Variants in MAGED1 observed in about 807,000 individuals in gnomAD.
The protein encoded by MAGED1 is MAGE family member D1, also known as melanoma-associated antigen D1.
In MAGED1, 3 loss-of-function variants were observed where a neutral mutation model predicts 54.1. The observed-to-expected ratio is 0.06, with a 90% CI of 0.03 to 0.14. The LOEUF (loss-of-function observed/expected upper bound fraction) is 0.14, where lower values mean the gene tolerates loss of function less well. Ranked by LOEUF, MAGED1 falls within the 10% of genes least tolerant of loss-of-function variation. The pLI, the probability that MAGED1 is intolerant of heterozygous loss-of-function variation, is 1.00. For synonymous variants in MAGED1, 217 were observed against 227.3 expected (o/e 0.95, Z 0.41); for missense variants, 485 against 623.4 (o/e 0.78, Z 2.36).
At chrX:51,871,430 A>T (rs1239335828) in intron 1 of MAGED1, among the ~76,000 whole-genome samples, 1 of 96,100 alleles carries the variant, frequency 1.0e-5, no homozygotes, top group Admixed American at 1.2e-4. Context: ...CCCTTCCCCC[A>T]CCCCACAACA....
intron 1 of MAGED1, among the ~76,000 whole-genome samples, chrX:51,814,279 C>A (rs1001752942): frequency 9.0e-6 from 1 of 111,599 alleles, no homozygotes; most frequent in Non-Finnish European, 1.9e-5. Context: ...CTGCCGCTGC[C>A]GCTGCTGCTA....
intron 1 of MAGED1, among the ~76,000 whole-genome samples, chrX:51,853,430 G>T (rs913994929): frequency 1.6e-4 from 18 of 112,318 alleles, no homozygotes; most frequent in African/African-American, 5.5e-4. Context: ...TGCAAAACTG[G>T]CCTGCTTCCA....
At chrX:51,893,219 CCAAA>C (rs782768931), upstream of MAGED1, among the ~76,000 whole-genome samples, 3 of 110,523 alleles carry the variant, frequency 2.7e-5, no homozygotes, top group South Asian at 4.0e-4. Flanking sequence ...ATTAGAGACC[CCAAA>C]CAGAGACCTA....
chrX:51,845,509 T>C lies in MAGED1; in HGVS notation c.-37+42392T>C, dbSNP rs782702338. 2.4e-4 allele frequency among the ~76,000 whole-genome samples: 27 copies of C among 111,617 alleles called. 1 individual carries two copies. The South Asian group carries it at 9.8e-3, about 41-fold the overall frequency. The stretch of plus-strand genomic sequence containing the variant: ...ATGGGAATGCCTGTAACTATCAAAC[T>C]ATGCCTGTTTCACCTTTGTATTTTG... On this transcript the variant is annotated intron_variant, in intron 1 of 12. Coordinates refer to the MAGED1 transcript ENST00000375772.
chrX:51,881,076 A>T (rs1396017081), intron 1 of MAGED1, among the ~76,000 whole-genome samples: 1 of 111,348 alleles, frequency 9.0e-6, no homozygotes, highest in Admixed American at 9.5e-5. Flanking sequence ...GCACTGGCAG[A>T]TCTGCTGTCT....
upstream of MAGED1, among the ~76,000 whole-genome samples, chrX:51,892,853 A>G (rs1437764735): frequency 7.2e-5 from 8 of 111,124 alleles, no homozygotes; most frequent in Admixed American, 7.6e-4. Context: ...CATGCAATGT[A>G]TCTGTGCCTC....
chrX:51,825,415 A>G (rs782630619), intron 1 of MAGED1, among the ~76,000 whole-genome samples: 115 of 112,343 alleles, frequency 1.0e-3, no homozygotes, highest in Middle Eastern at 9.3e-3. Flanking sequence ...CTATTCCACA[A>G]AATAGAATAC....
At chrX:51,898,490 T>A in intron 9 of MAGED1, 91 bp from the exon 10 acceptor site, 8 of 987,056 alleles carry the variant, frequency 8.1e-6, no homozygotes, top group Non-Finnish European at 1.1e-5. Flanking sequence ...CTGAACTCTC[T>A]GCCTCTTTTC....
At chrX:51,814,147 AAAG>A (rs1925320775) in intron 1 of MAGED1, among the ~76,000 whole-genome samples, 2 of 111,340 alleles carry the variant, frequency 1.8e-5, no homozygotes, top group Non-Finnish European at 3.8e-5. Context: ...GGAGTGAAAA[AAAG>A]AGAGAGAAAA....
At chrX:51,815,755 A>C (rs1265452600) in intron 1 of MAGED1, among the ~76,000 whole-genome samples, 2 of 110,757 alleles carry the variant, frequency 1.8e-5, no homozygotes, top group Non-Finnish European at 3.8e-5. Flanking sequence ...TCCTGACCTC[A>C]GGTGATCCGC....
rs781980650 is a variant in MAGED1, at chrX:51,885,852, A to T, written c.-36-8417A>T. ...TGTGTTTATTGTAGCACTATTCACAATGCCGAGATAGGGAATCAACCTAAG... is the reference window on the plus strand; with the variant it reads ...TGTGTTTATTGTAGCACTATTCACATTGCCGAGATAGGGAATCAACCTAAG... On this transcript the variant is annotated intron_variant, in intron 1 of 12. Transcript: ENST00000375772. Among the ~76,000 whole-genome samples, 6 of 110,927 alleles carry T rather than the reference A, an allele frequency of 5.4e-5. No homozygotes were observed. The East Asian group carries it at 1.7e-3, about 31-fold the overall frequency.
chrX:51,872,878 C>T (rs1927732103), intron 1 of MAGED1, among the ~76,000 whole-genome samples: 1 of 111,210 alleles, frequency 9.0e-6, no homozygotes, highest in Admixed American at 9.6e-5. Context: ...TTGTGAATAA[C>T]CCATCCCTTA....
At position 51,893,677 on chromosome X, in the gene MAGED1, G is replaced by T. The variant is rs1296306923; in HGVS notation, c.-115G>T. On this transcript the variant is annotated 5_prime_UTR_variant, in exon 1 of 13. Coordinates refer to ENST00000326587, the MANE Select transcript of MAGED1 (RefSeq NM_006986.4). Reference sequence around the variant, plus strand: ...CAAGGAGAGAGTGCGGCTGCTGAGAGCCGAGCCCAGCAATCCCGATCCTCT... The same window carrying T: ...CAAGGAGAGAGTGCGGCTGCTGAGATCCGAGCCCAGCAATCCCGATCCTCT... 8.8e-6 allele frequency: 1 copy of T among 113,407 alleles called. No individual in the cohort carries two copies. The highest frequency in any genetic ancestry group is 1.9e-5 in the Non-Finnish European group (1 of 53,411). 9.3% of individuals were successfully genotyped at this position (113,407 alleles called of 1,213,427 possible). A position where few individuals can be genotyped will look rare whatever the true frequency, so the allele number is the denominator to read the frequency against.
chrX:51,850,217 G>A (rs1417317307), intron 1 of MAGED1, among the ~76,000 whole-genome samples: 5 of 111,584 alleles, frequency 4.5e-5, no homozygotes, highest in Non-Finnish European at 1.9e-5. Flanking sequence ...CACTGCGCCC[G>A]GCCTGAAACA....
chrX:51,842,223 GTTTATTTAGTT>G (rs1557358701), intron 1 of MAGED1, among the ~76,000 whole-genome samples: 6 of 112,017 alleles, frequency 5.4e-5, no homozygotes, highest in African/African-American at 1.6e-4. Context: ...AAGAGCCTTT[GTTTATTTAGTT>G]TAACACTGTA....
chrX:51,840,260 T>A (rs1438426715), intron 1 of MAGED1, among the ~76,000 whole-genome samples: 1 of 111,055 alleles, frequency 9.0e-6, no homozygotes, highest in Non-Finnish European at 1.9e-5. Context: ...TTGTTATTAT[T>A]TAAAAGTAAG....
chrX:51,850,005 T>C (rs1326937316), intron 1 of MAGED1, among the ~76,000 whole-genome samples: 2 of 110,893 alleles, frequency 1.8e-5, no homozygotes, highest in African/African-American at 6.6e-5. Context: ...TGATCTCGGC[T>C]CACTGCAACC....
intron 1 of MAGED1, among the ~76,000 whole-genome samples, chrX:51,833,705 G>A (rs1557357654): frequency 4.5e-5 from 5 of 112,023 alleles, no homozygotes; most frequent in Non-Finnish European, 5.6e-5. Context: ...GATATTTAAA[G>A]ATATTTAACT....
intron 1 of MAGED1, among the ~76,000 whole-genome samples, chrX:51,842,194 T>C (rs1557358695): frequency 1.8e-5 from 2 of 112,291 alleles, no homozygotes. Context: ...ACAAGCCTGT[T>C]AGTTTTGTAA....
Sources: gnomAD v4.1 joint callset for allele counts (sites outside exome capture counted in the v4.1 genomes callset) on GRCh38, gnomAD v4.1.1 for gene constraint, MANE v1.5 for transcripts, NCBI Gene and HGNC (gene_info 2026-07-23, HGNC 2026-07-21) for gene names.